Variants in AACS observed in about 807,000 individuals in gnomAD.
AACS encodes acetoacetyl-CoA synthetase.
AACS carries 69 observed loss-of-function variants against 83.1 expected under a neutral mutation model. The ratio of observed to expected loss-of-function variants is 0.83; its 90% CI spans 0.68 to 1.01. The LOEUF is 1.01. Among genes scored for constraint, AACS ranks in the 50% least tolerant of loss-of-function variants. AACS has a pLI of 0.00. For synonymous variants in AACS, 333 were observed against 343.4 expected (o/e 0.97, Z 0.33); for missense variants, 866 against 882.2 (o/e 0.98, Z 0.23).
chr12:125,076,986 C>T (rs1470132712), intron 3 of AACS, among the ~76,000 whole-genome samples: 1 of 151,964 alleles, frequency 6.6e-6, no homozygotes, highest in Non-Finnish European at 1.5e-5. Flanking sequence ...TGGCTCACTG[C>T]AGCCTCAATC....
chr12:125,084,223 C>G (rs1484646118), intron 3 of AACS, among the ~76,000 whole-genome samples: 1 of 151,546 alleles, frequency 6.6e-6, no homozygotes, highest in South Asian at 2.1e-4. Flanking sequence ...GAGGCTGAGG[C>G]AGGAGAATTG....
At chr12:125,067,542 AT>A (rs35230801) in intron 1 of AACS, among the ~76,000 whole-genome samples, 88,573 of 148,322 alleles carry the variant, frequency 0.6, 26,103 homozygotes, top group South Asian at 0.64. Context: ...GACTATCTGG[AT>A]TTTTTTTTTT....
intron 5 of AACS, among the ~76,000 whole-genome samples, chr12:125,096,772 T>G (rs1024269059): frequency 1.3e-5 from 2 of 151,090 alleles, no homozygotes; most frequent in Non-Finnish European, 2.9e-5. Context: ...GTGGTGTCTT[T>G]CCAGGAAGGG....
intron 10 of AACS, chr12:125,120,340 A>G (rs1272755716): frequency 6.6e-6 from 1 of 152,168 alleles, no homozygotes; most frequent in Non-Finnish European, 1.5e-5. Flanking sequence ...GGGCCCAGAA[A>G]CAACCATGCT....
chr12:125,093,548 G>T (rs1056471873), intron 5 of AACS, among the ~76,000 whole-genome samples: 8 of 152,222 alleles, frequency 5.3e-5, no homozygotes, highest in Admixed American at 5.2e-4. Context: ...CCTGGCCGGG[G>T]TTGGTCCAGG....
chr12:125,099,126 T>G (rs979486227), intron 5 of AACS, among the ~76,000 whole-genome samples: 1 of 152,254 alleles, frequency 6.6e-6, no homozygotes. Flanking sequence ...TTGGAAAGCA[T>G]GTTGCCTTTT....
intron 16 of AACS, 139 bp downstream of exon 16, chr12:125,134,991 C>T: frequency 2.0e-6 from 2 of 994,864 alleles, no homozygotes; most frequent in Non-Finnish European, 3.0e-6. Flanking sequence ...TGAGCCTGAC[C>T]TCCTTTCCAG....
chr12:125,109,409 C>T (rs1398749831), intron 8 of AACS, among the ~76,000 whole-genome samples: 1 of 152,182 alleles, frequency 6.6e-6, no homozygotes. Flanking sequence ...AGCCACTGTG[C>T]CTGATGTCAA....
At chr12:125,121,167 C>G (rs908772326) in intron 10 of AACS, 1 of 152,296 alleles carries the variant, frequency 6.6e-6, no homozygotes, top group Admixed American at 6.5e-5. Flanking sequence ...GAGCCTCCTG[C>G]GCCGTTTGGC....
chr12:125,067,607 C>T (rs1955738925), intron 1 of AACS, among the ~76,000 whole-genome samples: 1 of 151,992 alleles, frequency 6.6e-6, no homozygotes. Context: ...AATCTCGGCT[C>T]ATTGCAACCT....
chr12:125,080,443 C>T (rs1028791541), intron 3 of AACS, among the ~76,000 whole-genome samples: 1 of 151,646 alleles, frequency 6.6e-6, no homozygotes. Context: ...ATACGGGTGT[C>T]TGGGTGGAGA....
chr12:125,118,535 G>A, intron 9 of AACS, 106 bp from the exon 10 acceptor site: 4 of 1,490,202 alleles, frequency 2.7e-6, no homozygotes, highest in Non-Finnish European at 3.6e-6. Flanking sequence ...GCACCAACCT[G>A]TGGCTCCATC....
rs933337658 is a variant in AACS, at chr12:125,094,375, C to T, written c.570+2852C>T. ...TATTTCTTTGAATCTCAGAGAATAT[C>T]GTAAAGGGAAATTGCCACTCTCCTA... is the stretch of plus-strand genomic sequence containing the variant. On this transcript the variant is annotated intron_variant, in intron 5 of 17. Coordinates refer to ENST00000316519, the MANE Select transcript of AACS (RefSeq NM_023928.5). This position sits in a 1 kb window ranked among gnomAD's most constrained non-coding sequence, Gnocchi z 4.1. Among the ~76,000 whole-genome samples, 1 of 152,146 alleles carries T rather than the reference C, an allele frequency of 6.6e-6. No homozygotes were observed. Among genetic ancestry groups the T allele is most frequent in the Non-Finnish European group, 1.5e-5 (1 of 68,028 alleles).
Position 125,129,204 on chromosome 12 carries a change from T to C in AACS, c.1424-131T>C. Reference sequence around the variant, plus strand: ...GGCTGCTGTGACAGGTGTGTGGGCGTGGACCATCTCTGTACCTTTGTATAT... The same window carrying C: ...GGCTGCTGTGACAGGTGTGTGGGCGCGGACCATCTCTGTACCTTTGTATAT... On this transcript the variant is annotated intron_variant, in intron 13 of 17. Transcript: ENST00000316519. The surrounding 1 kb of genome is among the most constrained non-coding windows in gnomAD (Gnocchi z 4.3). 7.7e-7 allele frequency: 1 copy of C among 1,297,764 alleles called. No homozygotes were observed. The highest frequency in any genetic ancestry group is 1.0e-6 in the Non-Finnish European group (1 of 976,396). 80.4% of individuals were successfully genotyped at this position (1,297,764 alleles called of 1,614,324 possible).
chr12:125,140,455 A>G lies in AACS; in HGVS notation c.1882-1637A>G, dbSNP rs1189511312. 1 of 152,224 alleles carries G rather than the reference A, an allele frequency of 6.6e-6. No individual in the cohort carries two copies. Among genetic ancestry groups the G allele is most frequent in the Non-Finnish European group, 1.5e-5 (1 of 68,042 alleles). The allele number at this position is 152,224 out of a possible 1,614,324, so 9.4% of individuals were successfully genotyped here. ...ACCCCTGTGTGAAGCGTAGCAGGGC[A>G]CAGAGCAGGCGAGACGTTTGCATCT... On this transcript the variant is annotated intron_variant, in intron 17 of 17. Coordinates refer to ENST00000316519, the MANE Select transcript of AACS (RefSeq NM_023928.5). This position sits in a 1 kb window ranked among gnomAD's most constrained non-coding sequence, Gnocchi z 5.1.
intron 5 of AACS, among the ~76,000 whole-genome samples, chr12:125,096,174 C>T (rs1205238707): frequency 6.6e-6 from 1 of 152,190 alleles, no homozygotes; most frequent in Non-Finnish European, 1.5e-5. Context: ...CCATGTTAGC[C>T]AGGCTGGTCT....
intron 10 of AACS, chr12:125,120,320 A>G (rs1424275940): frequency 6.6e-6 from 1 of 152,222 alleles, no homozygotes; most frequent in East Asian, 1.9e-4. Flanking sequence ...AGAAGTTGCC[A>G]GAGCTCCAGG....
At chr12:125,109,859 G>A (rs538690504) in intron 8 of AACS, among the ~76,000 whole-genome samples, 100 of 152,266 alleles carry the variant, frequency 6.6e-4, no homozygotes, top group African/African-American at 2.3e-3. Flanking sequence ...GTGTCTCCTC[G>A]TGGTTAGGTC....
chr12:125,115,806 C>T (rs746298083), intron 9 of AACS, among the ~76,000 whole-genome samples: 9 of 151,954 alleles, frequency 5.9e-5, no homozygotes, highest in Non-Finnish European at 1.3e-4. Flanking sequence ...GGGACAGACC[C>T]CTGGGACTGC....
Sources: allele counts gnomAD v4.1 joint callset (sites outside exome capture counted in the v4.1 genomes callset), GRCh38; gene constraint gnomAD v4.1.1; non-coding constraint Gnocchi (gnomAD v3.1); transcripts MANE v1.5; gene names NCBI Gene and HGNC (gene_info 2026-07-23, HGNC 2026-07-21).